Variants in MIGA1 observed in about 807,000 individuals in gnomAD.
The protein encoded by MIGA1 is family with sequence similarity 73, member A.
A neutral mutation model predicts 82.0 loss-of-function variants in MIGA1; 58 were observed. That is an observed-to-expected ratio of 0.71 (90% CI 0.57 to 0.88). The LOEUF is 0.88. Ranked by LOEUF, MIGA1 falls within the 40% of genes least tolerant of loss-of-function variation. MIGA1 has a pLI of 0.00. For synonymous variants in MIGA1, 249 were observed against 253.6 expected (o/e 0.98, Z 0.17); for missense variants, 751 against 749.1 (o/e 1.00, Z -0.03).
rs1237901141 is a variant in MIGA1 at position 77,878,393 on chromosome 1, T to TAAAAA, written c.*3329_*3330insAAAAA. 5.3e-4 allele frequency: 2 copies of TAAAAA among 3,744 alleles called. No homozygotes were observed. The highest frequency in any genetic ancestry group is 9.2e-4 in the African/African-American group (2 of 2,178). 0.2% of individuals were successfully genotyped at this position (3,744 alleles called of 1,614,324 possible). A position where few individuals can be genotyped will look rare whatever the true frequency, so the allele number is the denominator to read the frequency against. ...TGGGCAACAAGAGTAAAACTCTGTC[T>TAAAAA]CAAAAAAAAAAAAAAAAAAAAAAAA... On this transcript the variant is annotated 3_prime_UTR_variant, in exon 16 of 16. Transcript: ENST00000370791.
At chr1:77,817,782 A>C (rs1382170930) in intron 7 of MIGA1, among the ~76,000 whole-genome samples, 1 of 152,176 alleles carries the variant, frequency 6.6e-6, no homozygotes, top group Non-Finnish European at 1.5e-5. Flanking sequence ...ACTTAAAGTT[A>C]ATAGTCATAA....
intron 4 of MIGA1, among the ~76,000 whole-genome samples, chr1:77,804,232 T>C (rs1435356822): frequency 6.6e-6 from 1 of 152,182 alleles, no homozygotes; most frequent in Non-Finnish European, 1.5e-5. Flanking sequence ...TTCACCTCCT[T>C]CTTTGAATCA....
chr1:77,804,109 T>C (rs1682995799), intron 4 of MIGA1, among the ~76,000 whole-genome samples: 1 of 152,132 alleles, frequency 6.6e-6, no homozygotes, highest in African/African-American at 2.4e-5. Flanking sequence ...AAGAATTAGC[T>C]GTTCTTCAAG....
intron 2 of MIGA1, among the ~76,000 whole-genome samples, chr1:77,798,246 A>T (rs1682738444): frequency 6.6e-6 from 1 of 152,178 alleles, no homozygotes; most frequent in Admixed American, 6.5e-5. Flanking sequence ...GTTCTAGGGG[A>T]GAATCCTTCC....
intron 12 of MIGA1, chr1:77,861,675 C>G (rs1685459832): frequency 5.1e-6 from 1 of 194,686 alleles, no homozygotes; most frequent in South Asian, 1.2e-4. Context: ...AGCAGCAGCT[C>G]AGTAGGGCTG....
At chr1:77,842,178 C>T (rs1446205612) in intron 7 of MIGA1, among the ~76,000 whole-genome samples, 1 of 152,134 alleles carries the variant, frequency 6.6e-6, no homozygotes, top group African/African-American at 2.4e-5. Context: ...TTTGCTCTTT[C>T]ATACTTATGA....
At chr1:77,800,781 G>A (rs1424429269) in intron 2 of MIGA1, among the ~76,000 whole-genome samples, 1 of 152,112 alleles carries the variant, frequency 6.6e-6, no homozygotes, top group African/African-American at 2.4e-5. Context: ...TTCCTGATTG[G>A]TTGTAGGCAC....
rs750001087 is a variant in MIGA1, at chr1:77,859,311, T to C, written c.1116-3T>C. ...ACAATTGTCTCCCCTGTTTATTACATAGAACTGAAATGTTGGAGTGCCTAG... is the reference window on the plus strand; with the variant it reads ...ACAATTGTCTCCCCTGTTTATTACACAGAACTGAAATGTTGGAGTGCCTAG... On this transcript the variant is annotated splice_polypyrimidine_tract_variant and splice_region_variant and intron_variant, in intron 9 of 15. Coordinates refer to ENST00000370791, the MANE Select transcript of MIGA1 (RefSeq NM_198549.4). The C allele has an allele frequency of 1.2e-6, 2 of 1,609,256 alleles. No individual in the cohort carries two copies. Among genetic ancestry groups the C allele is most frequent in the South Asian group, 1.1e-5 (1 of 90,992 alleles).
intron 2 of MIGA1, among the ~76,000 whole-genome samples, chr1:77,784,067 G>A (rs973546862): frequency 6.6e-6 from 1 of 152,116 alleles, no homozygotes; most frequent in African/African-American, 2.4e-5. Flanking sequence ...GTTTGTTGAT[G>A]GACATTGGAT....
chr1:77,779,786 G>C (rs768376737), intron 1 of MIGA1, 50 bp downstream of exon 1: 34 of 1,515,318 alleles, frequency 2.2e-5, no homozygotes, highest in Non-Finnish European at 2.9e-5. Flanking sequence ...GGAGGAAGCG[G>C]AGAGTTGAGC....
At chr1:77,869,150 G>A (rs1459794166) in intron 14 of MIGA1, among the ~76,000 whole-genome samples, 2 of 147,726 alleles carry the variant, frequency 1.4e-5, no homozygotes, top group South Asian at 2.2e-4. Context: ...GACTCTTAAC[G>A]AGCATGCTGC....
chr1:77,876,695 A>C lies in MIGA1; in HGVS notation c.*1631A>C, dbSNP rs1222109731. ...TAAAAATATTCATAGTTTGAATCTTATTGACATTTTAAAGAAGAGTTTTTT... is the reference window on the plus strand; with the variant it reads ...TAAAAATATTCATAGTTTGAATCTTCTTGACATTTTAAAGAAGAGTTTTTT... On this transcript the variant is annotated 3_prime_UTR_variant, in exon 16 of 16. Transcript: ENST00000370791. The C allele has an allele frequency of 6.6e-6, 1 of 152,182 alleles. No individual in the cohort carries two copies. Among genetic ancestry groups the C allele is most frequent in the Admixed American group, 6.5e-5 (1 of 15,278 alleles). 9.4% of individuals were successfully genotyped at this position (152,182 alleles called of 1,614,324 possible).
chr1:77,786,434 C>G (rs1471418043), intron 2 of MIGA1, among the ~76,000 whole-genome samples: 4 of 152,194 alleles, frequency 2.6e-5, no homozygotes, highest in Non-Finnish European at 5.9e-5. Flanking sequence ...ATGGAATTTT[C>G]TTTTCTATGG....
chr1:77,815,084 T>A, intron 6 of MIGA1, 24 bp from the exon 7 acceptor site: 6 of 1,447,204 alleles, frequency 4.1e-6, no homozygotes, highest in Non-Finnish European at 5.6e-6. Context: ...TAATTTGTTC[T>A]GTGTACTTTT....
At chr1:77,808,748 GC>G (rs1403026781) in intron 5 of MIGA1, among the ~76,000 whole-genome samples, 1 of 152,198 alleles carries the variant, frequency 6.6e-6, no homozygotes, top group African/African-American at 2.4e-5. Flanking sequence ...TGGCCAGTGA[GC>G]AATGAAGGGT....
intron 14 of MIGA1, 132 bp from the exon 15 acceptor site, chr1:77,872,872 C>T (rs1157503192): frequency 9.1e-7 from 1 of 1,097,336 alleles, no homozygotes; most frequent in African/African-American, 1.6e-5. Context: ...TGTTGCTAGA[C>T]TCTGGTTCTA....
At chr1:77,851,016 C>T (rs1269830581) in intron 8 of MIGA1, among the ~76,000 whole-genome samples, 1 of 152,094 alleles carries the variant, frequency 6.6e-6, no homozygotes, top group Non-Finnish European at 1.5e-5. Flanking sequence ...ATTGCAGGCA[C>T]CTGCCACCAC....
intron 7 of MIGA1, among the ~76,000 whole-genome samples, chr1:77,837,863 G>A (rs970457901): frequency 8.5e-5 from 13 of 152,204 alleles, no homozygotes; most frequent in African/African-American, 3.1e-4. Context: ...TCACTACAGG[G>A]TACAAATAAA....
intron 2 of MIGA1, among the ~76,000 whole-genome samples, chr1:77,786,838 T>A (rs1053573857): frequency 6.6e-6 from 1 of 152,244 alleles, no homozygotes; most frequent in Non-Finnish European, 1.5e-5. Flanking sequence ...TATTTGAACC[T>A]CTGCCTGTTA....
Sources: gnomAD v4.1 joint callset for allele counts (sites outside exome capture counted in the v4.1 genomes callset) on GRCh38, gnomAD v4.1.1 for gene constraint, MANE v1.5 for transcripts, NCBI Gene and HGNC (gene_info 2026-07-23, HGNC 2026-07-21) for gene names.